The following TXLNG variants were observed in gnomAD, a reference collection of about 807,000 sequenced individuals.
The protein encoded by TXLNG is gamma-taxilin.
In TXLNG, 5 loss-of-function variants were observed where a neutral mutation model predicts 38.8. The ratio of observed to expected loss-of-function variants is 0.13; its 90% CI spans 0.07 to 0.27. The LOEUF is 0.27. Ranked by LOEUF, TXLNG falls within the 10% of genes least tolerant of loss-of-function variation. TXLNG has a pLI of 1.00. For synonymous variants in TXLNG, 182 were observed against 158.2 expected (o/e 1.15, Z -1.13); for missense variants, 393 against 398.2 (o/e 0.99, Z 0.11).
At position 16,829,778 on chromosome X, in the gene TXLNG, C is replaced by T. The variant is rs1461904884; in HGVS notation, c.864+8C>T. ...TACGCACTGAGGGAAGAGGTAATGG[C>T]ATTTGGTTTATTTAAACGGCTTCTC... On this transcript the variant is annotated splice_region_variant and intron_variant, in intron 5 of 9. Transcript: ENST00000380122. The T allele has an allele frequency of 8.4e-7, 1 of 1,194,351 alleles. No homozygotes were observed. Among genetic ancestry groups the T allele is most frequent in the African/African-American group, 1.8e-5 (1 of 56,774 alleles).
intron 1 of TXLNG, among the ~76,000 whole-genome samples, chrX:16,815,612 C>T (rs1928710472): frequency 9.0e-6 from 1 of 111,059 alleles, no homozygotes; most frequent in Non-Finnish European, 1.9e-5. Flanking sequence ...ACCTCCGCTT[C>T]CCGGGTTCAA....
intron 2 of TXLNG, 36 bp from the exon 3 acceptor site, chrX:16,820,128 C>T (rs752142827): frequency 1.8e-6 from 2 of 1,089,253 alleles, no homozygotes; most frequent in South Asian, 3.9e-5. Context: ...TGATCTCATT[C>T]TTCTGGGACT....
intron 5 of TXLNG, 38 bp from the exon 6 acceptor site, chrX:16,832,585 T>C: frequency 8.3e-7 from 1 of 1,210,158 alleles, no homozygotes; most frequent in Non-Finnish European, 1.1e-6. Flanking sequence ...TGTTCCTTTC[T>C]TTGGTGAGTG....
At position 16,793,532 on chromosome X, in the gene TXLNG, G is replaced by C. The variant is rs1174023341; in HGVS notation, c.102+6943G>C. 9.1e-5 allele frequency among the ~76,000 whole-genome samples: 10 copies of C among 109,327 alleles called. No homozygotes were observed. The Admixed American group carries it at 9.9e-4, about 11-fold the overall frequency. 94.9% of individuals were successfully genotyped at this position (109,327 alleles called of 115,157 possible). ...TTCTTTCCCTACTCTCAAGGTAGTA[G>C]AATGGTTTGGCAAGAAAGATGTGCC... On this transcript the variant is annotated intron_variant, in intron 1 of 9. Coordinates refer to ENST00000380122, the MANE Select transcript of TXLNG (RefSeq NM_018360.3).
intron 1 of TXLNG, among the ~76,000 whole-genome samples, chrX:16,790,444 G>A (rs768098479): frequency 1.8e-5 from 2 of 109,715 alleles, no homozygotes; most frequent in East Asian, 2.9e-4. Flanking sequence ...TCAGGCGATC[G>A]TTCTGCCTTG....
At chrX:16,814,164 C>A (rs1023845707) in intron 1 of TXLNG, among the ~76,000 whole-genome samples, 1 of 112,235 alleles carries the variant, frequency 8.9e-6, no homozygotes, top group Non-Finnish European at 1.9e-5. Flanking sequence ...TGGATAAATA[C>A]AGTGTAGCCA....
At chrX:16,791,327 C>T (rs1256436449) in intron 1 of TXLNG, among the ~76,000 whole-genome samples, 1 of 108,069 alleles carries the variant, frequency 9.3e-6, no homozygotes, top group Non-Finnish European at 1.9e-5. Context: ...CATTTGCCAA[C>T]TTGATGAACT....
At chrX:16,839,015 C>T (rs1475591600) in intron 8 of TXLNG, among the ~76,000 whole-genome samples, 4 of 111,984 alleles carry the variant, frequency 3.6e-5, no homozygotes, top group Non-Finnish European at 3.8e-5. Flanking sequence ...CTTAACACCA[C>T]CTGGCTCAAT....
intron 1 of TXLNG, among the ~76,000 whole-genome samples, chrX:16,802,951 A>C (rs983390967): frequency 4.7e-5 from 5 of 106,869 alleles, no homozygotes; most frequent in Non-Finnish European, 7.7e-5. Flanking sequence ...TCCCGAGTAG[A>C]TGGGATTACA....
intron 3 of TXLNG, among the ~76,000 whole-genome samples, chrX:16,821,468 G>A (rs1375939703): frequency 2.7e-5 from 3 of 111,969 alleles, no homozygotes; most frequent in Non-Finnish European, 5.6e-5. Context: ...TGGAAACCCT[G>A]CCATCCTATT....
In TXLNG at chrX:16,811,481, C is replaced by T. The variant is rs946167339; in HGVS notation, c.103-7093C>T. Among the ~76,000 whole-genome samples, 7 of 110,717 alleles carry T rather than the reference C, an allele frequency of 6.3e-5. No homozygotes were observed. The East Asian group carries it at 1.4e-3, about 22-fold the overall frequency. On this transcript the variant is annotated intron_variant, in intron 1 of 9. Coordinates refer to ENST00000380122, the MANE Select transcript of TXLNG (RefSeq NM_018360.3). ...AAGCAATTCTCTGGCCTCAGCCTCC[C>T]GAGTAGCAGGCATGCACCACCACGC...
intron 3 of TXLNG, among the ~76,000 whole-genome samples, chrX:16,826,276 G>A (rs1929161996): frequency 9.0e-6 from 1 of 111,634 alleles, no homozygotes; most frequent in Non-Finnish European, 1.9e-5. Context: ...CAAAAACAAT[G>A]ATTTTTTTTC....
At chrX:16,836,478 G>T (rs758384944) in intron 7 of TXLNG, among the ~76,000 whole-genome samples, 7 of 112,351 alleles carry the variant, frequency 6.2e-5, no homozygotes, top group Admixed American at 1.9e-4. Context: ...ATGTGGCTTG[G>T]CCATCTCACA....
intron 3 of TXLNG, among the ~76,000 whole-genome samples, chrX:16,824,718 A>T (rs1048208775): frequency 9.3e-6 from 1 of 108,061 alleles, no homozygotes; most frequent in South Asian, 4.1e-4. Flanking sequence ...GGAATTCAAG[A>T]CCAGCCTGTC....
intron 1 of TXLNG, among the ~76,000 whole-genome samples, chrX:16,789,098 A>G (rs1045725307): frequency 8.9e-6 from 1 of 112,433 alleles, no homozygotes. Flanking sequence ...TTCAGGAAGC[A>G]GAAATGTTTA....
chrX:16,824,613 T>C (rs1929102523), intron 3 of TXLNG, among the ~76,000 whole-genome samples: 1 of 110,380 alleles, frequency 9.1e-6, no homozygotes, highest in Non-Finnish European at 1.9e-5. Context: ...CGTCAAAAGA[T>C]GCCCTGAAAA....
In TXLNG at chrX:16,837,578, CT is replaced by C; in HGVS notation, c.1060-8del. 5.2e-6 allele frequency: 6 copies of C among 1,163,317 alleles called. No homozygotes were observed. Among genetic ancestry groups the C allele is most frequent in the Non-Finnish European group, 5.8e-6 (5 of 863,319 alleles). ...TGCATGGAACTCAGAATGTTTCATA[CT>C]TTTTTTCCTATAGCTTTCTCTTTAT... On this transcript the variant is annotated splice_polypyrimidine_tract_variant and intron_variant, in intron 7 of 9. Transcript: ENST00000380122.
chrX:16,801,666 G>A (rs142162323), intron 1 of TXLNG, among the ~76,000 whole-genome samples: 5 of 111,737 alleles, frequency 4.5e-5, no homozygotes, highest in African/African-American at 9.7e-5. Context: ...TTTCTTTAGC[G>A]TTATGATAGA....
intron 6 of TXLNG, 131 bp downstream of exon 6, chrX:16,832,873 A>C: frequency 1.2e-6 from 1 of 826,480 alleles, no homozygotes; most frequent in Non-Finnish European, 1.7e-6. Flanking sequence ...ACCTGGGGGC[A>C]TGCCAGCTGG....
Sources: gnomAD v4.1 joint callset for allele counts (sites outside exome capture counted in the v4.1 genomes callset) on GRCh38, gnomAD v4.1.1 for gene constraint, MANE v1.5 for transcripts, NCBI Gene and HGNC (gene_info 2026-07-23, HGNC 2026-07-21) for gene names.